The following UAP1 variants were observed in gnomAD, a reference collection of about 807,000 sequenced individuals.
UAP1 encodes UDP-N-acetylhexosamine pyrophosphorylase.
Under a neutral mutation model 58.5 loss-of-function variants are expected in UAP1, and 25 were observed. That is an observed-to-expected ratio of 0.43 (90% CI 0.31 to 0.60). The LOEUF is 0.60. Among genes scored for constraint, UAP1 ranks in the 20% least tolerant of loss-of-function variants. The pLI, the probability that UAP1 is intolerant of heterozygous loss-of-function variation, is 0.11. For synonymous variants in UAP1, 208 were observed against 213.0 expected (o/e 0.98, Z 0.21); for missense variants, 575 against 630.0 (o/e 0.91, Z 0.93).
intron 5 of UAP1, among the ~76,000 whole-genome samples, chr1:162,583,892 G>C (rs1430613852): frequency 1.3e-5 from 2 of 150,212 alleles, no homozygotes; most frequent in Non-Finnish European, 3.0e-5. Context: ...TACCTGCTTT[G>C]GCCTCCCAAA....
At position 162,588,678 on chromosome 1, in the gene UAP1, C is replaced by T. The variant is rs755140921; in HGVS notation, c.1029-15C>T. 9.4e-6 allele frequency: 15 copies of T among 1,591,810 alleles called. No individual in the cohort carries two copies. Among genetic ancestry groups the T allele is most frequent in the African/African-American group, 1.4e-5 (1 of 73,634 alleles). On this transcript the variant is annotated splice_polypyrimidine_tract_variant and intron_variant, in intron 6 of 10. Coordinates refer to ENST00000271469, the Ensembl canonical transcript of UAP1. ...TCTGGAACGTGATTATATCTTTTCT[C>T]CTCCTGCTTCTTAGTGTTTATGAAC...
At chr1:162,582,091 C>G (rs1019472670) in intron 5 of UAP1, among the ~76,000 whole-genome samples, 5 of 151,942 alleles carry the variant, frequency 3.3e-5, no homozygotes, top group African/African-American at 1.2e-4. Context: ...TATATTATAG[C>G]TAGAAATAAA....
chr1:162,565,655 G>A (rs771485983), intron 1 of UAP1, among the ~76,000 whole-genome samples: 14 of 152,178 alleles, frequency 9.2e-5, no homozygotes, highest in Non-Finnish European at 1.6e-4. Flanking sequence ...ACAACTAAGT[G>A]TGGTAGAGAG....
chr1:162,591,437 G>A (rs1655304150), intron 8 of UAP1, among the ~76,000 whole-genome samples: 1 of 152,154 alleles, frequency 6.6e-6, no homozygotes, highest in South Asian at 2.1e-4. Context: ...AGGTATTGTA[G>A]TTATTTAAAT....
intron 2 of UAP1, among the ~76,000 whole-genome samples, chr1:162,573,483 C>G (rs992306910): frequency 2.6e-5 from 4 of 152,074 alleles, no homozygotes; most frequent in Admixed American, 2.6e-4. Context: ...TTTGGTACAC[C>G]TGATTTTATG....
At chr1:162,594,010 C>T (rs1655480849) in intron 9 of UAP1, among the ~76,000 whole-genome samples, 1 of 152,182 alleles carries the variant, frequency 6.6e-6, no homozygotes, top group African/African-American at 2.4e-5. Context: ...GATCAGCGGT[C>T]TCCAACCTAT....
chr1:162,601,135 T>C (rs886408228), downstream of UAP1, among the ~76,000 whole-genome samples: 3 of 152,244 alleles, frequency 2.0e-5, no homozygotes, highest in African/African-American at 7.2e-5. Flanking sequence ...GATAGCATTA[T>C]GTATTTTTAT....
chr1:162,574,795 A>T (rs1319122622), intron 2 of UAP1, among the ~76,000 whole-genome samples: 1 of 146,670 alleles, frequency 6.8e-6, no homozygotes, highest in Non-Finnish European at 1.5e-5. Flanking sequence ...TTATGGCAAG[A>T]TTTTTTTTTT....
rs114639921 is a variant in UAP1, at chr1:162,565,660, A to G, written c.-57-352A>G. On this transcript the variant is annotated intron_variant, in intron 1 of 10. Transcript: ENST00000271469. Reference sequence around the variant, plus strand: ...TAATACAGAGACAACTAAGTGTGGTAGAGAGTGTGAACCATGTCATCAGGC... The same window carrying G: ...TAATACAGAGACAACTAAGTGTGGTGGAGAGTGTGAACCATGTCATCAGGC... Among the ~76,000 whole-genome samples the G allele has an allele frequency of 5.3e-3, 805 of 152,320 alleles. 3 individuals are homozygous for G. Among genetic ancestry groups the G allele is most frequent in the Non-Finnish European group, 7.4e-3 (505 of 68,036 alleles).
At chr1:162,589,307 TATAA>T (rs925446685) in intron 7 of UAP1, among the ~76,000 whole-genome samples, 52 of 135,716 alleles carry the variant, frequency 3.8e-4, no homozygotes, top group Non-Finnish European at 7.5e-4. Context: ...ATATTATATA[TATAA>T]ATAAATATAT....
intron 1 of UAP1, among the ~76,000 whole-genome samples, chr1:162,562,837 A>T (rs1000228832): frequency 1.3e-5 from 2 of 152,114 alleles, no homozygotes; most frequent in African/African-American, 4.8e-5. Context: ...AAGCTTTAAG[A>T]GGTTTACTTA....
chr1:162,577,910 A>G (rs1403933040), intron 3 of UAP1, among the ~76,000 whole-genome samples: 3 of 149,566 alleles, frequency 2.0e-5, no homozygotes, highest in Admixed American at 6.7e-5. Context: ...GCACCCGGCT[A>G]TTTTTTTTTG....
intron 9 of UAP1, 141 bp from the exon 10 acceptor site, chr1:162,597,650 TC>T (rs536986610): frequency 1.8e-4 from 109 of 608,246 alleles, no homozygotes; most frequent in African/African-American, 1.5e-3. Flanking sequence ...AATTTAGTGA[TC>T]ATCAGGGTAG....
At chr1:162,598,552 G>A (rs1048012796) in intron 10 of UAP1, among the ~76,000 whole-genome samples, 2 of 152,096 alleles carry the variant, frequency 1.3e-5, no homozygotes, top group Non-Finnish European at 2.9e-5. Flanking sequence ...TTTTTTAAAT[G>A]CAATGTAAGT....
chr1:162,595,373 A>G (rs991354614), intron 9 of UAP1, among the ~76,000 whole-genome samples: 1 of 152,028 alleles, frequency 6.6e-6, no homozygotes, highest in Non-Finnish European at 1.5e-5. Flanking sequence ...GGACTGGGCT[A>G]TATACATCTT....
chr1:162,595,454 A>C (rs1454438194), intron 9 of UAP1, among the ~76,000 whole-genome samples: 1 of 151,204 alleles, frequency 6.6e-6, no homozygotes, highest in Non-Finnish European at 1.5e-5. Flanking sequence ...TTGGTTTTGT[A>C]TGACTTTGAG....
chr1:162,600,585 G>A (rs1011848), downstream of UAP1, among the ~76,000 whole-genome samples: 109,687 of 151,814 alleles, frequency 0.72, 39,977 homozygotes, highest in Admixed American at 0.81. Flanking sequence ...TTCATTTTCC[G>A]CTAACAAGTT....
intron 1 of UAP1, among the ~76,000 whole-genome samples, chr1:162,563,641 G>T (rs1653313822): frequency 6.6e-6 from 1 of 152,220 alleles, no homozygotes; most frequent in African/African-American, 2.4e-5. Flanking sequence ...GGAATTACAG[G>T]CGTGAGCCAC....
intron 2 of UAP1, among the ~76,000 whole-genome samples, chr1:162,567,373 T>A (rs1653581087): frequency 6.6e-6 from 1 of 152,236 alleles, no homozygotes; most frequent in African/African-American, 2.4e-5. Context: ...AGTTTTATAG[T>A]TATAAGTTGA....
Sources: gnomAD v4.1 joint callset for allele counts (sites outside exome capture counted in the v4.1 genomes callset) on GRCh38, gnomAD v4.1.1 for gene constraint, MANE v1.5 for transcripts, NCBI Gene and HGNC (gene_info 2026-07-23, HGNC 2026-07-21) for gene names.